Variants in ARK2N observed in about 807,000 individuals in gnomAD.
ARK2N encodes the protein protein ARK2N.
chr18:46,192,281 A>C, the ARK2N span, among the ~76,000 whole-genome samples: 1 of 152,108 alleles, frequency 6.6e-6, no homozygotes, highest in Non-Finnish European at 1.5e-5. Context: ...GTGATTAAGA[A>C]TGTGGACTCT....
chr18:46,253,749 G>A, the ARK2N span: 240 of 1,613,074 alleles, frequency 1.5e-4, 1 homozygote, highest in East Asian at 3.9e-3. Flanking sequence ...CTGGCAATGC[G>A]CCACTCAATG....
chr18:46,249,978 C>G, the ARK2N span, among the ~76,000 whole-genome samples: 2 of 152,114 alleles, frequency 1.3e-5, no homozygotes, highest in South Asian at 2.1e-4. Flanking sequence ...CACACCACCA[C>G]GTCTAATTCC....
chr18:46,220,708 T>C, the ARK2N span, among the ~76,000 whole-genome samples: 2 of 152,232 alleles, frequency 1.3e-5, no homozygotes, highest in South Asian at 4.1e-4. Flanking sequence ...TTGAATAATT[T>C]AGCTAATTAT....
the ARK2N span, among the ~76,000 whole-genome samples, chr18:46,245,047 A>C: frequency 2.0e-5 from 3 of 152,018 alleles, no homozygotes; most frequent in Non-Finnish European, 4.4e-5. Flanking sequence ...CTCCTGCCTC[A>C]GCCTATCCAG....
the ARK2N span, among the ~76,000 whole-genome samples, chr18:46,214,817 A>G: frequency 9.2e-4 from 140 of 152,270 alleles, no homozygotes; most frequent in African/African-American, 3.2e-3. Context: ...TAAAACATCT[A>G]TTTAAACACT....
At chr18:46,198,554 A>T in the ARK2N span, among the ~76,000 whole-genome samples, 1 of 152,040 alleles carries the variant, frequency 6.6e-6, no homozygotes, top group African/African-American at 2.4e-5. Context: ...AAATGTAGGT[A>T]GATTTTCTTC....
At chr18:46,234,026 T>C in the ARK2N span, among the ~76,000 whole-genome samples, 2 of 152,204 alleles carry the variant, frequency 1.3e-5, no homozygotes, top group African/African-American at 2.4e-5. Flanking sequence ...AATGGCCCTT[T>C]ATAGATTTTT....
chr18:46,190,038 C>CT, the ARK2N span, among the ~76,000 whole-genome samples: 1 of 152,144 alleles, frequency 6.6e-6, no homozygotes, highest in Non-Finnish European at 1.5e-5. Flanking sequence ...CTAAATATAT[C>CT]TATCTAAATA....
the ARK2N span, chr18:46,232,359 C>T: frequency 3.3e-5 from 5 of 152,044 alleles, no homozygotes; most frequent in Non-Finnish European, 5.9e-5. Context: ...ATTTTCATCT[C>T]CCCTTTTAAA....
At chr18:46,186,788 G>A in the ARK2N span, among the ~76,000 whole-genome samples, 40,353 of 150,110 alleles carry the variant, frequency 0.27, 5,515 homozygotes, top group East Asian at 0.42. Flanking sequence ...GATTACAGGC[G>A]TGAGCCCCCG....
At chr18:46,246,708 C>T in the ARK2N span, among the ~76,000 whole-genome samples, 3 of 124,882 alleles carry the variant, frequency 2.4e-5, no homozygotes, top group Non-Finnish European at 3.5e-5. Flanking sequence ...TTTGGGAGGC[C>T]GAGGCGGGTA....
chr18:46,259,963 C>T, the ARK2N span, among the ~76,000 whole-genome samples: 1 of 137,494 alleles, frequency 7.3e-6, no homozygotes, highest in Non-Finnish European at 1.6e-5. Flanking sequence ...TCAAGTGATC[C>T]TCCCGTCTCA....
the ARK2N span, among the ~76,000 whole-genome samples, chr18:46,256,869 C>G: frequency 6.6e-6 from 1 of 152,188 alleles, no homozygotes; most frequent in Non-Finnish European, 1.5e-5. Flanking sequence ...GCCTGCTAAT[C>G]TTTCAAACAT....
chr18:46,213,689 TTTTTATTTA>T, the ARK2N span, among the ~76,000 whole-genome samples: 1 of 152,044 alleles, frequency 6.6e-6, no homozygotes, highest in Admixed American at 6.5e-5. Flanking sequence ...TTTTATTTAT[TTTTTATTTA>T]TTTTATTTAT....
chr18:46,222,296 T>TG, the ARK2N span, among the ~76,000 whole-genome samples: 14 of 152,224 alleles, frequency 9.2e-5, no homozygotes, highest in African/African-American at 3.1e-4. Flanking sequence ...TTACTGCTAA[T>TG]GGGTATCAAG....
chr18:46,181,701 C>T, the ARK2N span, among the ~76,000 whole-genome samples: 3 of 151,796 alleles, frequency 2.0e-5, no homozygotes, highest in Non-Finnish European at 2.9e-5. Flanking sequence ...GGCGACAGAG[C>T]GAGACTCCGT....
At chr18:46,248,907 C>T in the ARK2N span, among the ~76,000 whole-genome samples, 1 of 152,048 alleles carries the variant, frequency 6.6e-6, no homozygotes, top group Non-Finnish European at 1.5e-5. Flanking sequence ...CAGCTACTTC[C>T]ACCACACTAC....
chr18:46,176,691 C>T, the ARK2N span, among the ~76,000 whole-genome samples: 1 of 151,638 alleles, frequency 6.6e-6, no homozygotes, highest in Non-Finnish European at 1.5e-5. Flanking sequence ...AATCTCCACT[C>T]ACCGCAACCT....
the ARK2N span, among the ~76,000 whole-genome samples, chr18:46,196,497 G>T: frequency 4.8e-5 from 7 of 145,578 alleles, no homozygotes; most frequent in African/African-American, 1.8e-4. Flanking sequence ...TCCTGACCTC[G>T]TGATCCACCC....
Sources: gnomAD v4.1 joint callset for allele counts (sites outside exome capture counted in the v4.1 genomes callset) on GRCh38, gnomAD v4.1.1 for gene constraint, MANE v1.5 for transcripts, NCBI Gene and HGNC (gene_info 2026-07-23, HGNC 2026-07-21) for gene names.